The following MAF variants were observed in gnomAD, a reference collection of about 807,000 sequenced individuals.
MAF encodes MAF bZIP transcription factor.
Under a neutral mutation model 22.0 loss-of-function variants are expected in MAF, and 10 were observed. The ratio of observed to expected loss-of-function variants is 0.45; its 90% confidence interval spans 0.28 to 0.77. The LOEUF (loss-of-function observed/expected upper bound fraction) is 0.77. MAF is among the 30% of genes least tolerant of loss of function. The probability of loss-of-function intolerance (pLI) is 0.12; values close to 1 mark genes in which losing one functional copy is unlikely to be tolerated. For synonymous variants in MAF, 337 were observed against 255.8 expected (o/e 1.32, Z -3.03); for missense variants, 544 against 548.4 (o/e 0.99, Z 0.08).
At chr16:79,564,630 G>A in the MAF span, among the ~76,000 whole-genome samples, 2 of 152,296 alleles carry the variant, frequency 1.3e-5, no homozygotes, top group African/African-American at 4.8e-5. Flanking sequence ...CCCTGTGGCA[G>A]CCCACAGTGG....
At chr16:79,517,326 G>C in the MAF span, among the ~76,000 whole-genome samples, 2 of 152,254 alleles carry the variant, frequency 1.3e-5, no homozygotes, top group Non-Finnish European at 2.9e-5. Context: ...CTAATAATAA[G>C]ACAGACAGAC....
At chr16:79,466,672 G>A in the MAF span, among the ~76,000 whole-genome samples, 1 of 152,240 alleles carries the variant, frequency 6.6e-6, no homozygotes, top group African/African-American at 2.4e-5. Context: ...TAATGTGTGT[G>A]ATGCTTGACA....
chr16:79,364,643 T>G, the MAF span, among the ~76,000 whole-genome samples: 1 of 152,204 alleles, frequency 6.6e-6, no homozygotes. Flanking sequence ...TTGAACAGTT[T>G]CGTGGTGTCA....
chr16:79,409,684 A>C, the MAF span, among the ~76,000 whole-genome samples: 2 of 152,312 alleles, frequency 1.3e-5, no homozygotes, highest in Middle Eastern at 3.4e-3. Flanking sequence ...TCAATTGCCC[A>C]GAGGGTTGGC....
chr16:79,276,410 A>G, the MAF span, among the ~76,000 whole-genome samples: 1 of 151,998 alleles, frequency 6.6e-6, no homozygotes, highest in African/African-American at 2.4e-5. Context: ...TGTGGCCACC[A>G]TTTTTCTGTC....
the MAF span, among the ~76,000 whole-genome samples, chr16:79,394,315 T>C: frequency 2.6e-5 from 4 of 152,132 alleles, no homozygotes; most frequent in East Asian, 5.8e-4. Context: ...GTCAGGAATA[T>C]AGAAATCTGG....
the MAF span, among the ~76,000 whole-genome samples, chr16:79,525,532 G>C: frequency 1.3e-5 from 2 of 152,128 alleles, no homozygotes; most frequent in Admixed American, 6.5e-5. Flanking sequence ...ATTATTCTAG[G>C]AGAGAGAGGA....
the MAF span, among the ~76,000 whole-genome samples, chr16:79,218,928 C>T: frequency 1.3e-5 from 2 of 152,178 alleles, no homozygotes; most frequent in African/African-American, 2.4e-5. Context: ...ACACCCCAAG[C>T]CTCTGTGGTT....
the MAF span, among the ~76,000 whole-genome samples, chr16:79,573,867 G>A: frequency 1.3e-5 from 2 of 152,304 alleles, no homozygotes; most frequent in Non-Finnish European, 2.9e-5. Flanking sequence ...AAAGTTAAGA[G>A]AATAACTTCT....
At chr16:79,452,578 G>A in the MAF span, among the ~76,000 whole-genome samples, 1 of 152,028 alleles carries the variant, frequency 6.6e-6, no homozygotes, top group African/African-American at 2.4e-5. Flanking sequence ...CATTTTCTCA[G>A]GGCATGTATT....
chr16:79,234,146 CT>C, the MAF span, among the ~76,000 whole-genome samples: 1 of 152,174 alleles, frequency 6.6e-6, no homozygotes, highest in African/African-American at 2.4e-5. Context: ...GCCAGTGGCC[CT>C]TTTCACACTG....
the MAF span, among the ~76,000 whole-genome samples, chr16:79,545,522 T>C: frequency 8.6e-5 from 7 of 80,954 alleles, no homozygotes; most frequent in Middle Eastern, 7.4e-3. Flanking sequence ...TCACAAGCCA[T>C]TGGAAAAAAA....
At chr16:79,208,536 T>G in the MAF span, among the ~76,000 whole-genome samples, 1 of 152,228 alleles carries the variant, frequency 6.6e-6, no homozygotes, top group Non-Finnish European at 1.5e-5. Flanking sequence ...ATTATTTCCT[T>G]TAGATGGCTC....
the MAF span, among the ~76,000 whole-genome samples, chr16:79,364,028 G>A: frequency 6.6e-6 from 1 of 152,120 alleles, no homozygotes; most frequent in Non-Finnish European, 1.5e-5. Flanking sequence ...GCAACTCAAA[G>A]GCAACTTCCT....
chr16:79,241,918 C>A, the MAF span, among the ~76,000 whole-genome samples: 1 of 151,942 alleles, frequency 6.6e-6, no homozygotes, highest in Non-Finnish European at 1.5e-5. Context: ...AATTTTCAAC[C>A]CAGAATTTCA....
chr16:79,252,884 G>A, the MAF span, among the ~76,000 whole-genome samples: 3 of 152,174 alleles, frequency 2.0e-5, no homozygotes, highest in Non-Finnish European at 2.9e-5. Context: ...TGTGAAAGGG[G>A]TGTAAAAGTA....
At chr16:79,523,564 G>T in the MAF span, among the ~76,000 whole-genome samples, 14 of 152,208 alleles carry the variant, frequency 9.2e-5, no homozygotes, top group Non-Finnish European at 1.6e-4. Flanking sequence ...ACAGGTAAAT[G>T]AGAGATGCTG....
At chr16:79,448,377 A>AT in the MAF span, among the ~76,000 whole-genome samples, 4,582 of 141,682 alleles carry the variant, frequency 0.032, 212 homozygotes, top group African/African-American at 0.11. Flanking sequence ...GAATGCTAGC[A>AT]TTTTTTTTTT....
chr16:79,322,538 A>G, the MAF span, among the ~76,000 whole-genome samples: 2 of 152,202 alleles, frequency 1.3e-5, no homozygotes, highest in South Asian at 4.1e-4. Flanking sequence ...AATACCTCCT[A>G]TGAGCCAGAC....
Sources: allele counts gnomAD v4.1 joint callset (sites outside exome capture counted in the v4.1 genomes callset), GRCh38; gene constraint gnomAD v4.1.1; transcripts MANE v1.5; gene names NCBI Gene and HGNC (gene_info 2026-07-23, HGNC 2026-07-21).